VIPR2: variants seen among roughly 807,000 people sequenced by gnomAD.
VIPR2 encodes the protein vasoactive intestinal peptide receptor 2.
A neutral mutation model predicts 58.0 loss-of-function variants in VIPR2; 48 were observed. The observed-to-expected ratio is 0.83, with a 90% CI of 0.66 to 1.05. The LOEUF (loss-of-function observed/expected upper bound fraction) is 1.05, where lower values mean the gene tolerates loss of function less well. Among genes scored for constraint, VIPR2 ranks in the 50% least tolerant of loss-of-function variants. The probability of loss-of-function intolerance (pLI) is 0.00; values close to 1 mark genes in which losing one functional copy is unlikely to be tolerated. For synonymous variants in VIPR2, 243 were observed against 235.2 expected (o/e 1.03, Z -0.30); for missense variants, 534 against 558.0 (o/e 0.96, Z 0.43).
chr7:159,069,317 C>A (rs959084634), intron 4 of VIPR2, among the ~76,000 whole-genome samples: 1 of 152,162 alleles, frequency 6.6e-6, no homozygotes. Context: ...GGGGACCCTG[C>A]CAGTCCCTGC....
intron 2 of VIPR2, among the ~76,000 whole-genome samples, chr7:159,141,318 G>A (rs560210451): frequency 3.3e-5 from 5 of 152,376 alleles, no homozygotes; most frequent in South Asian, 2.1e-4. Context: ...CGTGCACCGC[G>A]GAATCGCAGA....
chr7:159,082,177 G>A (rs1856939264), intron 4 of VIPR2, among the ~76,000 whole-genome samples: 1 of 152,176 alleles, frequency 6.6e-6, no homozygotes, highest in Non-Finnish European at 1.5e-5. Flanking sequence ...TATGTTTACT[G>A]TGGCACTATT....
chr7:159,141,467 C>G (rs1317714686), intron 2 of VIPR2, among the ~76,000 whole-genome samples: 1 of 152,264 alleles, frequency 6.6e-6, no homozygotes, highest in Non-Finnish European at 1.5e-5. Context: ...GTGGAGACCG[C>G]TGGCCGCCTG....
chr7:159,058,611 G>T, intron 4 of VIPR2, 33 bp from the exon 5 acceptor site: 1 of 1,488,864 alleles, frequency 6.7e-7, no homozygotes. Flanking sequence ...TGTAAGCTGA[G>T]GGTGACCAGC....
chr7:159,066,361 T>C (rs1400564126), intron 4 of VIPR2, among the ~76,000 whole-genome samples: 1 of 140,930 alleles, frequency 7.1e-6, no homozygotes, highest in African/African-American at 2.8e-5. Flanking sequence ...AGGATGCCTG[T>C]TCCCACACCA....
rs894714070 is a variant in VIPR2, at chr7:159,029,948, A to C, written c.*668T>G. On this transcript the variant is annotated 3_prime_UTR_variant, in exon 13 of 13. Transcript: ENST00000262178. ...TCCTGCAGATGAGGGGGCTACCCTT[A>C]TGGGACCTGGGAGGCCGCCCTGATG... 1.7e-4 allele frequency: 26 copies of C among 151,946 alleles called. No homozygotes were observed. The highest frequency in any genetic ancestry group is 6.0e-4 in the African/African-American group (25 of 41,324). The allele number at this position is 151,946 out of a possible 1,614,324, so 9.4% of individuals were successfully genotyped here.
intron 2 of VIPR2, among the ~76,000 whole-genome samples, chr7:159,136,047 T>C (rs1797209012): frequency 6.6e-6 from 1 of 152,200 alleles, no homozygotes. Flanking sequence ...AGCTGCAGTC[T>C]GCTCATGTGT....
At chr7:159,101,566 A>G (rs569754422) in intron 4 of VIPR2, among the ~76,000 whole-genome samples, 7 of 100,288 alleles carry the variant, frequency 7.0e-5, no homozygotes, top group African/African-American at 2.9e-4. Context: ...TTCCTGTGGT[A>G]GTGAACGGGT....
chr7:159,115,145 G>A (rs1796189881), intron 2 of VIPR2, among the ~76,000 whole-genome samples: 3 of 152,186 alleles, frequency 2.0e-5, no homozygotes, highest in Non-Finnish European at 1.5e-5. Flanking sequence ...AGTTGCAGCC[G>A]CCGCATTTGA....
At chr7:159,139,336 G>A (rs996817452) in intron 2 of VIPR2, among the ~76,000 whole-genome samples, 4 of 152,120 alleles carry the variant, frequency 2.6e-5, no homozygotes, top group East Asian at 3.9e-4. Flanking sequence ...GCACTGCATC[G>A]GAGGGGGCCG....
chr7:159,139,332 C>T (rs1043822882), intron 2 of VIPR2, among the ~76,000 whole-genome samples: 2 of 152,186 alleles, frequency 1.3e-5, no homozygotes, highest in Non-Finnish European at 2.9e-5. Context: ...AAATGCACTG[C>T]ATCGGAGGGG....
chr7:159,058,647 A>T, intron 4 of VIPR2, 69 bp from the exon 5 acceptor site: 2 of 1,202,138 alleles, frequency 1.7e-6, no homozygotes, highest in Non-Finnish European at 2.5e-6. Flanking sequence ...GAATGGTTCC[A>T]GGATCCAGCC....
At chr7:159,100,897 C>T (rs1293567229) in intron 4 of VIPR2, among the ~76,000 whole-genome samples, 3 of 141,374 alleles carry the variant, frequency 2.1e-5, no homozygotes, top group East Asian at 2.1e-4. Flanking sequence ...CCGACAAGGC[C>T]GTTCCCCCGA....
rs150128440 is a variant in VIPR2, at chr7:159,046,400, C to T, written c.456-3224G>A. On this transcript the variant is annotated intron_variant, in intron 5 of 12. Transcript: ENST00000262178. ...TTCAACCATAAAGAGGCATGAAGTACTGACGTGGATCGAACTTGAAAACAT... is the reference window on the plus strand; with the variant it reads ...TTCAACCATAAAGAGGCATGAAGTATTGACGTGGATCGAACTTGAAAACAT... Among the ~76,000 whole-genome samples, 24 of 152,336 alleles carry T rather than the reference C, an allele frequency of 1.6e-4. No individual in the cohort carries two copies. The East Asian group carries it at 4.4e-3, about 28-fold the overall frequency.
chr7:159,136,693 G>T (rs1797243679), intron 2 of VIPR2, among the ~76,000 whole-genome samples: 1 of 152,204 alleles, frequency 6.6e-6, no homozygotes, highest in Non-Finnish European at 1.5e-5. Context: ...CCTTGTGGAA[G>T]AACAGGCTGA....
intron 7 of VIPR2, 118 bp downstream of exon 7, chr7:159,036,634 A>T: frequency 7.8e-7 from 1 of 1,287,722 alleles, no homozygotes; most frequent in Non-Finnish European, 1.1e-6. Flanking sequence ...TCTTCATGAT[A>T]TGACCCTGAC....
At chr7:159,125,236 A>C (rs1231185738) in intron 2 of VIPR2, among the ~76,000 whole-genome samples, 1 of 152,194 alleles carries the variant, frequency 6.6e-6, no homozygotes, top group Non-Finnish European at 1.5e-5. Context: ...TTCTCAGTGA[A>C]CCACGGACAT....
intron 2 of VIPR2, among the ~76,000 whole-genome samples, chr7:159,134,648 T>C (rs1020435837): frequency 1.3e-5 from 2 of 151,904 alleles, no homozygotes; most frequent in Non-Finnish European, 2.9e-5. Flanking sequence ...CTATTAATAG[T>C]GCAATATTTT....
intron 3 of VIPR2, among the ~76,000 whole-genome samples, chr7:159,105,057 C>T (rs879902994): frequency 7.3e-4 from 112 of 152,390 alleles, no homozygotes; most frequent in Non-Finnish European, 1.3e-3. Context: ...TCTTTTGCGC[C>T]TACGGAACTA....
Sources: allele counts gnomAD v4.1 joint callset (sites outside exome capture counted in the v4.1 genomes callset), GRCh38; gene constraint gnomAD v4.1.1; transcripts MANE v1.5; gene names NCBI Gene and HGNC (gene_info 2026-07-23, HGNC 2026-07-21).